The following COL4A1 variants were observed in gnomAD, a reference collection of about 807,000 sequenced individuals.
The protein encoded by COL4A1 is collagen type IV alpha 1 chain.
COL4A1 carries 40 observed loss-of-function variants against 216.6 expected under a neutral mutation model. The ratio of observed to expected loss-of-function variants is 0.18; its 90% CI spans 0.14 to 0.24. COL4A1 has a LOEUF of 0.24. Among genes scored for constraint, COL4A1 ranks in the 10% least tolerant of loss-of-function variants. The probability of loss-of-function intolerance (pLI) is 1.00; values close to 1 mark genes in which losing one functional copy is unlikely to be tolerated. For synonymous variants in COL4A1, 839 were observed against 810.7 expected (o/e 1.03, Z -0.59); for missense variants, 1,628 against 2,196.8 (o/e 0.74, Z 5.18).
In COL4A1 at chr13:110,219,967, C is replaced by CATATATAT. The variant is rs71127921; in HGVS notation, c.145-5960_145-5953dup. On this transcript the variant is annotated intron_variant, in intron 2 of 51. Coordinates refer to ENST00000375820, the MANE Select transcript of COL4A1 (RefSeq NM_001845.6). ...GTATATATACACATACATACATATA[C>CATATATAT]ATATATATATATATATATTTGAGGC... Among the ~76,000 whole-genome samples, 376 of 134,142 alleles carry CATATATAT rather than the reference C, an allele frequency of 2.8e-3. 2 individuals carry two copies. Among genetic ancestry groups the CATATATAT allele is most frequent in the African/African-American group, 9.8e-3 (344 of 35,254 alleles). The allele number at this position is 134,142 out of a possible 152,430, so 88.0% of individuals were successfully genotyped here. A position where few individuals can be genotyped will look rare whatever the true frequency, so the allele number is the denominator to read the frequency against.
chr13:110,286,159 A>G (rs1027811223), intron 1 of COL4A1, among the ~76,000 whole-genome samples: 2 of 152,212 alleles, frequency 1.3e-5, no homozygotes, highest in African/African-American at 4.8e-5. Flanking sequence ...TGACAAGACC[A>G]AGAACGACCA....
Position 110,252,584 on chromosome 13 carries a change from G to A in COL4A1, c.85-9850C>T, listed in dbSNP as rs12021147. Among the ~76,000 whole-genome samples, 117 of 41,668 alleles carry A rather than the reference G, an allele frequency of 2.8e-3. 55 individuals carry two copies. Among genetic ancestry groups the A allele is most frequent in the Admixed American group, 7.6e-3 (23 of 3,016 alleles). The allele number at this position is 41,668 out of a possible 152,430, so 27.3% of individuals were successfully genotyped here. The stretch of plus-strand genomic sequence containing the variant: ...TTATACGTATATATGTATTATATAC[G>A]TATAATTATACGTATATATGTATTA... On this transcript the variant is annotated intron_variant, in intron 1 of 51. Transcript: ENST00000375820.
At chr13:110,170,507 T>C (rs915279869) in intron 42 of COL4A1, 40 bp downstream of exon 42, 3 of 1,557,482 alleles carry the variant, frequency 1.9e-6, no homozygotes, top group Non-Finnish European at 2.6e-6. Context: ...GTGAATTCTG[T>C]CCCAGTCCTC....
intron 1 of COL4A1, among the ~76,000 whole-genome samples, chr13:110,257,139 T>C (rs949874799): frequency 1.3e-5 from 2 of 152,240 alleles, no homozygotes; most frequent in African/African-American, 4.8e-5. Flanking sequence ...GAAATCACTC[T>C]TGAAAACATC....
chr13:110,273,314 G>A (rs573181805), intron 1 of COL4A1, among the ~76,000 whole-genome samples: 7 of 152,348 alleles, frequency 4.6e-5, no homozygotes, highest in East Asian at 1.9e-4. Flanking sequence ...TTATGGGTTC[G>A]TCTTGAGAAT....
At chr13:110,210,077 G>T (rs547094463) in intron 9 of COL4A1, 35 bp from the exon 10 acceptor site, 1 of 1,613,846 alleles carries the variant, frequency 6.2e-7, no homozygotes. Flanking sequence ...GTTCAGATGC[G>T]AACTGGGAGG....
At chr13:110,254,908 A>T (rs555462299) in intron 1 of COL4A1, among the ~76,000 whole-genome samples, 1 of 152,242 alleles carries the variant, frequency 6.6e-6, no homozygotes, top group African/African-American at 2.4e-5. Context: ...TTTAATGAGC[A>T]CTTACTATGT....
intron 1 of COL4A1, among the ~76,000 whole-genome samples, chr13:110,301,170 T>C (rs751137086): frequency 7.9e-5 from 12 of 152,222 alleles, no homozygotes; most frequent in Non-Finnish European, 1.6e-4. Flanking sequence ...CATCTTTGTG[T>C]TCACTAGTAA....
At chr13:110,228,153 C>T (rs1880832646) in intron 2 of COL4A1, among the ~76,000 whole-genome samples, 1 of 150,444 alleles carries the variant, frequency 6.6e-6, no homozygotes, top group Non-Finnish European at 1.5e-5. Flanking sequence ...CCACGTGCTT[C>T]TGCAGTAAAA....
intron 1 of COL4A1, among the ~76,000 whole-genome samples, chr13:110,245,949 A>C (rs943694064): frequency 6.7e-6 from 1 of 149,548 alleles, no homozygotes; most frequent in Non-Finnish European, 1.5e-5. Context: ...TTTCATAAGC[A>C]AGTAATTTTT....
intron 24 of COL4A1, among the ~76,000 whole-genome samples, chr13:110,188,734 CTCAAAG>C (rs1357580071): frequency 6.6e-6 from 1 of 152,192 alleles, no homozygotes; most frequent in Non-Finnish European, 1.5e-5. Context: ...CTGTGTCCTG[CTCAAAG>C]TCAAACAAAC....
chr13:110,236,205 T>C (rs1881309670), intron 2 of COL4A1, among the ~76,000 whole-genome samples: 1 of 152,198 alleles, frequency 6.6e-6, no homozygotes. Flanking sequence ...CACGTAGACA[T>C]TGCAATGTCT....
At chr13:110,240,282 A>T (rs1390043695) in intron 2 of COL4A1, among the ~76,000 whole-genome samples, 2 of 152,106 alleles carry the variant, frequency 1.3e-5, no homozygotes. Flanking sequence ...GGAGCAGGTC[A>T]GGCCAAAAAA....
At chr13:110,159,553 A>G (rs67563420) in intron 49 of COL4A1, among the ~76,000 whole-genome samples, 24,515 of 152,160 alleles carry the variant, frequency 0.16, 2,206 homozygotes, top group African/African-American at 0.24. Flanking sequence ...GGTTTCTCAA[A>G]TAACTAAAAA....
intron 1 of COL4A1, among the ~76,000 whole-genome samples, chr13:110,277,974 T>A (rs138269670): frequency 6.6e-6 from 1 of 152,356 alleles, no homozygotes; most frequent in African/African-American, 2.4e-5. Flanking sequence ...AAAAAATTCT[T>A]TCCTATTTAC....
intron 1 of COL4A1, among the ~76,000 whole-genome samples, chr13:110,284,315 C>A (rs1883754271): frequency 6.6e-6 from 1 of 152,200 alleles, no homozygotes; most frequent in Non-Finnish European, 1.5e-5. Context: ...AAGCCACAAG[C>A]ATCTCTCTAA....
At chr13:110,151,412 T>C (rs763881481) in intron 51 of COL4A1, among the ~76,000 whole-genome samples, 4 of 152,174 alleles carry the variant, frequency 2.6e-5, no homozygotes, top group Non-Finnish European at 5.9e-5. Context: ...TTAAACTCTA[T>C]CTGCAGCATG....
intron 43 of COL4A1, among the ~76,000 whole-genome samples, chr13:110,168,872 C>CA (rs1877467925): frequency 6.6e-6 from 1 of 152,166 alleles, no homozygotes; most frequent in Admixed American, 6.5e-5. Flanking sequence ...ATAGAGGAAA[C>CA]AGAGAGACAG....
rs183590122 is a variant in COL4A1, at chr13:110,266,371, T to A, written c.85-23637A>T. ...CCCGCCTGGAGTAGTTCCAACTCTGTCGCCACGAATCCTAGCTCAGGAAAA... is the reference window on the plus strand; with the variant it reads ...CCCGCCTGGAGTAGTTCCAACTCTGACGCCACGAATCCTAGCTCAGGAAAA... On this transcript the variant is annotated intron_variant, in intron 1 of 51. Transcript: ENST00000375820. Among the ~76,000 whole-genome samples, 296 of 152,268 alleles carry A rather than the reference T, an allele frequency of 1.9e-3. 8 individuals carry two copies. The highest frequency in any genetic ancestry group is 0.018 in the Admixed American group (268 of 15,296).
Sources: allele counts gnomAD v4.1 joint callset (sites outside exome capture counted in the v4.1 genomes callset), GRCh38; gene constraint gnomAD v4.1.1; transcripts MANE v1.5; gene names NCBI Gene and HGNC (gene_info 2026-07-23, HGNC 2026-07-21).